LILRB1: variants seen among roughly 807,000 people sequenced by gnomAD.
LILRB1 encodes the protein leukocyte immunoglobulin like receptor B1.
A neutral mutation model predicts 74.6 loss-of-function variants in LILRB1; 59 were observed. The ratio of observed to expected loss-of-function variants is 0.79; its 90% CI spans 0.64 to 0.98. The LOEUF (loss-of-function observed/expected upper bound fraction) is 0.98. Among genes scored for constraint, LILRB1 ranks in the 50% least tolerant of loss-of-function variants. LILRB1 has a pLI of 0.00. For missense variants in LILRB1, 804 were observed against 822.6 expected, an observed-to-expected ratio of 0.98 and a Z score of 0.28; for synonymous variants, 328 against 333.9, an observed-to-expected ratio of 0.98 and a Z score of 0.19.
At chr19:54,632,800 G>T in intron 6 of LILRB1, 40 bp downstream of exon 6, 1 of 1,609,596 alleles carries the variant, frequency 6.2e-7, no homozygotes, top group Non-Finnish European at 8.5e-7. Flanking sequence ...CCCAGGCTCC[G>T]CACAGGCCCT....
intron 1 of LILRB1, among the ~76,000 whole-genome samples, chr19:54,624,934 C>A (rs1223025359): frequency 7.0e-6 from 1 of 142,708 alleles, no homozygotes; most frequent in Non-Finnish European, 1.6e-5. Context: ...GTGGGCCTGT[C>A]ACTAGGGAGG....
At position 54,631,488 on chromosome 19, in the gene LILRB1, A is replaced by T. The variant is rs767078486; in HGVS notation, c.71-12A>T. The T allele has an allele frequency of 8.1e-6, 13 of 1,602,712 alleles. No individual in the cohort carries two copies. The East Asian group carries it at 2.5e-4, about 30-fold the overall frequency. On this transcript the variant is annotated splice_polypyrimidine_tract_variant and intron_variant, in intron 3 of 14. Transcript: ENST00000324602. ...GAAATGAGTTAGAATCTGACTCCTG[A>T]TTTCCTTCCAGGGCACCTCCCCAAG...
At chr19:54,631,902 C>A (rs996383486) in intron 4 of LILRB1, 33 bp from the exon 5 acceptor site, 2 of 1,609,274 alleles carry the variant, frequency 1.2e-6, no homozygotes, top group Non-Finnish European at 1.7e-6. Flanking sequence ...GTGGTCTGAG[C>A]CACATTTAAC....
rs2064519223 is a variant in LILRB1, at chr19:54,637,248, C to G, written c.*370C>G. The G allele has an allele frequency of 4.5e-6, 1 of 220,446 alleles. No homozygotes were observed. The highest frequency in any genetic ancestry group is 5.2e-5 in the Admixed American group (1 of 19,362). 13.7% of individuals were successfully genotyped at this position (220,446 alleles called of 1,614,324 possible). ...TGGCTTTCCTATAAGAAATTTAGGG[C>G]AGGGCACGGTGGCTCACGCCTGTAA... is the stretch of plus-strand genomic sequence containing the variant. On this transcript the variant is annotated 3_prime_UTR_variant, in exon 15 of 15. Coordinates refer to ENST00000324602, the MANE Select transcript of LILRB1 (RefSeq NM_001081637.3).
At chr19:54,630,991 T>C (rs546848609) in intron 1 of LILRB1, 35 bp from the exon 2 acceptor site, 19 of 1,599,048 alleles carry the variant, frequency 1.2e-5, no homozygotes, top group Admixed American at 1.7e-5. Flanking sequence ...CAGCCTCCGA[T>C]TGGCCACACT....
chr19:54,623,751 A>G (rs1400877442), intron 1 of LILRB1, among the ~76,000 whole-genome samples: 3 of 152,196 alleles, frequency 2.0e-5, no homozygotes, highest in East Asian at 3.9e-4. Flanking sequence ...GATTTTTCAC[A>G]GCGTCAGAAT....
exon 1 of LILRB1, chr19:54,617,292 C>T (rs2063331612): frequency 6.6e-6 from 1 of 152,200 alleles, no homozygotes; most frequent in Non-Finnish European, 1.5e-5. Context: ...GGCGCCTCTA[C>T]TTTCTGGAGT....
intron 1 of LILRB1, among the ~76,000 whole-genome samples, chr19:54,622,061 T>C (rs1180861843): frequency 6.6e-6 from 1 of 152,212 alleles, no homozygotes; most frequent in Non-Finnish European, 1.5e-5. Context: ...ATTTTTGTAC[T>C]AGTAAATGCT....
In LILRB1 at chr19:54,636,965, A is replaced by G; in HGVS notation, c.*87A>G. 6.4e-7 allele frequency: 1 copy of G among 1,553,638 alleles called. No homozygotes were observed. Among genetic ancestry groups the G allele is most frequent in the Non-Finnish European group, 8.8e-7 (1 of 1,137,158 alleles). ...CAGTGGACACCATTGGACCCCACCCAGCCTGGATCTACCCCAGGAGACTCT... is the reference window on the plus strand; with the variant it reads ...CAGTGGACACCATTGGACCCCACCCGGCCTGGATCTACCCCAGGAGACTCT... On this transcript the variant is annotated 3_prime_UTR_variant, in exon 15 of 15. Coordinates refer to ENST00000324602, the MANE Select transcript of LILRB1 (RefSeq NM_001081637.3).
At chr19:54,629,147 G>T (rs1177505719), upstream of LILRB1, among the ~76,000 whole-genome samples, 1 of 152,112 alleles carries the variant, frequency 6.6e-6, no homozygotes, top group African/African-American at 2.4e-5. Flanking sequence ...AACCAAACGG[G>T]GGTCAAAACT....
rs750303692 is a variant in LILRB1, at chr19:54,632,114, G to T, written c.538G>T (p.Ala180Ser). The T allele has an allele frequency of 6.2e-6, 10 of 1,614,238 alleles. No individual in the cohort carries two copies. Among genetic ancestry groups the T allele is most frequent in the Non-Finnish European group, 7.6e-6 (9 of 1,180,018 alleles). The part of the protein sequence containing the change: ...SQPHARGSSR[A>S]IFSVGPVSPS... The stretch of plus-strand genomic sequence containing the variant: ...GCCCCATGCCCGTGGGTCGTCCCGC[G>T]CCATCTTCTCCGTGGGCCCCGTGAG... Residue 180 changes from alanine to serine, a missense_variant, in exon 5 of 15, where the codon GCC (alanine) becomes TCC (serine). Ala to Ser is a moderately conservative substitution (Grantham distance 99). Transcript: ENST00000324602.
intron 9 of LILRB1, chr19:54,634,368 G>A (rs370847665): frequency 1.1e-5 from 17 of 1,538,492 alleles, no homozygotes; most frequent in South Asian, 8.4e-5. Context: ...CTGCAGCTCC[G>A]GGGCTCGGCT....
intron 1 of LILRB1, 193 bp downstream of exon 1, chr19:54,630,826 G>A: frequency 1.3e-6 from 1 of 784,526 alleles, no homozygotes; most frequent in Non-Finnish European, 2.1e-6. Context: ...CGGTGGCTGG[G>A]GGTCAGGAAA....
rs2064447913 is a variant in LILRB1, at chr19:54,636,595, G to A, written c.1755G>A (p.Gly585=). The stretch of plus-strand genomic sequence containing the variant: ...CCTCTCCTCCTTCCCCACTGTCTGG[G>A]GAATTCCTGGACACAAAGGACAGAC... ...EMASPPSPLS[G]EFLDTKDRQA... The change falls in exon 14 of 15, where the codon GGG becomes GGA. Residue 585 remains glycine, a synonymous_variant. Transcript: ENST00000324602. The A allele has an allele frequency of 6.2e-7, 1 of 1,609,250 alleles. No individual in the cohort carries two copies. The highest frequency in any genetic ancestry group is 1.7e-5 in the Admixed American group (1 of 59,962).
upstream of LILRB1, among the ~76,000 whole-genome samples, chr19:54,626,611 TG>T (rs1483044482): frequency 0.5 from 75,490 of 152,040 alleles, 19,379 homozygotes; most frequent in South Asian, 0.58. Context: ...GTCTTGTTCT[TG>T]ATGCAATTAT....
chr19:54,631,215 G>C (rs1213498397), intron 2 of LILRB1, 56 bp from the exon 3 acceptor site: 1 of 1,613,958 alleles, frequency 6.2e-7, no homozygotes, highest in Admixed American at 1.7e-5. Flanking sequence ...TCCCAGGGAG[G>C]GGAGGACCTG....
chr19:54,633,465 AG>A lies in LILRB1; in HGVS notation c.1261+150del, dbSNP rs199902549. On this transcript the variant is annotated intron_variant, in intron 7 of 14. Transcript: ENST00000324602. Reference sequence around the variant, plus strand: ...CACCCTCAGAGGGAAGGAGGAGAACAGGGCCCTCCCAGGCCTGCCCACCCTC... The same window carrying A: ...CACCCTCAGAGGGAAGGAGGAGAACAGGCCCTCCCAGGCCTGCCCACCCTC... 4,715 of 1,298,792 alleles carry A rather than the reference AG, an allele frequency of 3.6e-3. 161 individuals are homozygous for A. The South Asian group carries it at 0.054, about 15-fold the overall frequency. 80.5% of individuals were successfully genotyped at this position (1,298,792 alleles called of 1,614,324 possible).
intron 1 of LILRB1, among the ~76,000 whole-genome samples, chr19:54,618,740 T>C (rs2063378941): frequency 6.6e-6 from 1 of 151,486 alleles, no homozygotes; most frequent in South Asian, 2.1e-4. Context: ...TACTGAGATA[T>C]TGGTTAAAAA....
At chr19:54,621,517 A>C (rs1262883519) in intron 1 of LILRB1, among the ~76,000 whole-genome samples, 1 of 134,530 alleles carries the variant, frequency 7.4e-6, no homozygotes, top group Non-Finnish European at 1.6e-5. Context: ...GTTTTCCATA[A>C]AGTTGTCTGT....
Sources: allele counts gnomAD v4.1 joint callset (sites outside exome capture counted in the v4.1 genomes callset), GRCh38; gene constraint gnomAD v4.1.1; transcripts MANE v1.5; gene names NCBI Gene and HGNC (gene_info 2026-07-23, HGNC 2026-07-21).